Variants in DCC observed in about 807,000 individuals in gnomAD.
DCC encodes the protein netrin receptor DCC.
In DCC, 58 loss-of-function variants were observed where a neutral mutation model predicts 172.5. The ratio of observed to expected loss-of-function variants is 0.34; its 90% CI spans 0.27 to 0.42. The LOEUF (loss-of-function observed/expected upper bound fraction) is 0.42. Among genes scored for constraint, DCC ranks in the 10% least tolerant of loss-of-function variants. The pLI, the probability that DCC is intolerant of heterozygous loss-of-function variation, is 1.00. For missense variants in DCC, 1,740 were observed against 1,791.0 expected, an observed-to-expected ratio of 0.97 and a Z score of 0.51; for synonymous variants, 709 against 644.5, an observed-to-expected ratio of 1.10 and a Z score of -1.52.
At chr18:53,272,014 T>A (rs2056754766) in intron 12 of DCC, among the ~76,000 whole-genome samples, 1 of 152,186 alleles carries the variant, frequency 6.6e-6, no homozygotes, top group Non-Finnish European at 1.5e-5. Context: ...TCAGTCAGTT[T>A]GCTGTGTTGT....
intron 1 of DCC, among the ~76,000 whole-genome samples, chr18:52,391,037 TATA>T (rs1475715321): frequency 1.3e-5 from 2 of 152,090 alleles, no homozygotes; most frequent in African/African-American, 4.8e-5. Context: ...TGTATGTGTG[TATA>T]ATATTATACA....
intron 15 of DCC, among the ~76,000 whole-genome samples, chr18:53,358,720 C>G (rs2057909860): frequency 6.6e-6 from 1 of 151,836 alleles, no homozygotes; most frequent in African/African-American, 2.4e-5. Flanking sequence ...TGAGGTTTCA[C>G]CATGTTGGCC....
At chr18:52,477,752 T>C (rs536375559) in intron 1 of DCC, among the ~76,000 whole-genome samples, 3 of 152,142 alleles carry the variant, frequency 2.0e-5, no homozygotes, top group Non-Finnish European at 4.4e-5. Context: ...CAATCAGAAC[T>C]CTCCAGCTCT....
At chr18:52,596,660 A>G (rs982525211) in intron 1 of DCC, among the ~76,000 whole-genome samples, 5 of 152,254 alleles carry the variant, frequency 3.3e-5, no homozygotes, top group Non-Finnish European at 7.3e-5. Context: ...TGACCTGCTG[A>G]AAGACAGAAT....
chr18:52,394,352 G>A (rs1220896685), intron 1 of DCC, among the ~76,000 whole-genome samples: 1 of 151,954 alleles, frequency 6.6e-6, no homozygotes, highest in African/African-American at 2.4e-5. Context: ...CTACAGCCTT[G>A]AACTCCTGGG....
intron 2 of DCC, 83 bp downstream of exon 2, chr18:52,752,457 T>C: frequency 6.6e-6 from 7 of 1,066,498 alleles, no homozygotes; most frequent in Non-Finnish European, 1.0e-5. Flanking sequence ...ATAATTTTTG[T>C]AGAAATAATG....
Position 52,809,692 on chromosome 18 carries a change from T to G in DCC, c.412+57318T>G, listed in dbSNP as rs573136512. On this transcript the variant is annotated intron_variant, in intron 2 of 28. Coordinates refer to ENST00000442544, the MANE Select transcript of DCC (RefSeq NM_005215.4). ...GGACGGTGAGTAGAAGCTCAACTTG[T>G]GCCCTAACAAACACAGACCAGAAGA... Among the ~76,000 whole-genome samples the G allele has an allele frequency of 2.0e-5, 3 of 152,254 alleles. No homozygotes were observed. In the South Asian group the frequency reaches 6.2e-4, roughly 32 times the overall value.
At chr18:53,436,301 T>C (rs1911936836) in intron 22 of DCC, among the ~76,000 whole-genome samples, 1 of 152,238 alleles carries the variant, frequency 6.6e-6, no homozygotes, top group South Asian at 2.1e-4. Context: ...CACTCATTTA[T>C]CTTGGCTGCT....
At chr18:52,917,717 T>G (rs561345343) in intron 3 of DCC, among the ~76,000 whole-genome samples, 1 of 152,158 alleles carries the variant, frequency 6.6e-6, no homozygotes, top group African/African-American at 2.4e-5. Flanking sequence ...TGTTTTCTCT[T>G]TATTTCCATA....
intron 24 of DCC, among the ~76,000 whole-genome samples, chr18:53,465,159 T>C (rs908806871): frequency 1.3e-5 from 2 of 151,934 alleles, no homozygotes; most frequent in African/African-American, 4.8e-5. Flanking sequence ...TTAATTGATA[T>C]TTTCACTCTT....
chr18:53,260,552 G>A (rs147511868), intron 12 of DCC, among the ~76,000 whole-genome samples: 317 of 152,222 alleles, frequency 2.1e-3, no homozygotes, highest in African/African-American at 7.2e-3. Context: ...CTGCCTGATC[G>A]TTCCTCTGGA....
At chr18:53,402,118 G>T (rs994438984) in intron 18 of DCC, among the ~76,000 whole-genome samples, 1 of 152,154 alleles carries the variant, frequency 6.6e-6, no homozygotes, top group Admixed American at 6.5e-5. Context: ...TTTTAAGGAA[G>T]TATAGACTTA....
chr18:53,390,789 T>G (rs1908498663), intron 16 of DCC, among the ~76,000 whole-genome samples: 1 of 152,176 alleles, frequency 6.6e-6, no homozygotes, highest in African/African-American at 2.4e-5. Flanking sequence ...TGTATATACC[T>G]CAGTGCAAAT....
At chr18:52,697,317 G>A (rs1172574917) in intron 1 of DCC, among the ~76,000 whole-genome samples, 1 of 152,152 alleles carries the variant, frequency 6.6e-6, no homozygotes, top group Non-Finnish European at 1.5e-5. Context: ...ATCCACAATA[G>A]TTATAAGACT....
chr18:52,450,449 TG>T (rs1342745576), intron 1 of DCC, among the ~76,000 whole-genome samples: 1 of 152,234 alleles, frequency 6.6e-6, no homozygotes, highest in East Asian at 1.9e-4. Flanking sequence ...TCCAGACTAA[TG>T]GCTATTAACT....
intron 2 of DCC, among the ~76,000 whole-genome samples, chr18:52,786,167 TG>T (rs1329105288): frequency 6.6e-6 from 1 of 152,134 alleles, no homozygotes; most frequent in Non-Finnish European, 1.5e-5. Flanking sequence ...TGAAGTTCCT[TG>T]GTTTTATTTT....
chr18:52,584,968 T>C (rs1006597444), intron 1 of DCC, among the ~76,000 whole-genome samples: 1 of 152,190 alleles, frequency 6.6e-6, no homozygotes, highest in Non-Finnish European at 1.5e-5. Flanking sequence ...CAGAACACAA[T>C]AATTACTAAA....
At chr18:53,431,758 A>G (rs1267377613) in intron 21 of DCC, among the ~76,000 whole-genome samples, 1 of 152,192 alleles carries the variant, frequency 6.6e-6, no homozygotes, top group African/African-American at 2.4e-5. Context: ...TTCTGGGATT[A>G]CAGGCATGAG....
chr18:52,993,625 A>G (rs2041430304), intron 5 of DCC, among the ~76,000 whole-genome samples: 1 of 152,144 alleles, frequency 6.6e-6, no homozygotes, highest in Non-Finnish European at 1.5e-5. Flanking sequence ...TCAAGTTCAG[A>G]CTTGGACAGA....
Sources: gnomAD v4.1 joint callset for allele counts (sites outside exome capture counted in the v4.1 genomes callset) on GRCh38, gnomAD v4.1.1 for gene constraint, MANE v1.5 for transcripts, NCBI Gene and HGNC (gene_info 2026-07-23, HGNC 2026-07-21) for gene names.